The following NDST4 variants were observed in gnomAD, a reference collection of about 807,000 sequenced individuals.
The protein encoded by NDST4 is N-deacetylase and N-sulfotransferase 4.
Under a neutral mutation model 100.8 loss-of-function variants are expected in NDST4, and 63 were observed. That is an observed-to-expected ratio of 0.62 (90% CI 0.51 to 0.77). The LOEUF (loss-of-function observed/expected upper bound fraction) is 0.77. NDST4 is among the 30% of genes least tolerant of loss of function. The pLI is 0.00. For missense variants in NDST4, 943 were observed against 1,018.4 expected, an observed-to-expected ratio of 0.93 and a Z score of 1.01; for synonymous variants, 377 against 361.8, an observed-to-expected ratio of 1.04 and a Z score of -0.48.
At chr4:115,021,429 A>G (rs750274197) in intron 2 of NDST4, among the ~76,000 whole-genome samples, 2 of 151,726 alleles carry the variant, frequency 1.3e-5, no homozygotes, top group Middle Eastern at 3.5e-3. Context: ...CATTCCATAT[A>G]TACACACATT....
At chr4:115,081,706 G>T (rs1729307041) in intron 1 of NDST4, among the ~76,000 whole-genome samples, 1 of 152,110 alleles carries the variant, frequency 6.6e-6, no homozygotes, top group Admixed American at 6.6e-5. Context: ...GTAGTCTAAG[G>T]TGATACACCA....
intron 4 of NDST4, among the ~76,000 whole-genome samples, chr4:114,943,877 A>G (rs1424309870): frequency 6.6e-6 from 1 of 152,188 alleles, no homozygotes; most frequent in Non-Finnish European, 1.5e-5. Flanking sequence ...TGCTTGAAAT[A>G]GTGGCTATGA....
At chr4:114,893,450 G>A (rs13108625) in intron 6 of NDST4, among the ~76,000 whole-genome samples, 2,946 of 152,238 alleles carry the variant, frequency 0.019, 50 homozygotes, top group Non-Finnish European at 0.031. Context: ...ACTGGCATGC[G>A]ATGGTTTCTC....
At chr4:115,097,322 C>A (rs1729639424) in intron 1 of NDST4, among the ~76,000 whole-genome samples, 1 of 152,004 alleles carries the variant, frequency 6.6e-6, no homozygotes, top group Admixed American at 6.6e-5. Flanking sequence ...TAAATGAGAC[C>A]AAACCTGATT....
At position 115,010,401 on chromosome 4, in the gene NDST4, T is replaced by A. The variant is rs565284403; in HGVS notation, c.979-33127A>T. Among the ~76,000 whole-genome samples the A allele has an allele frequency of 2.8e-4, 36 of 127,980 alleles. 8 individuals carry two copies. The South Asian group carries it at 0.011, about 38-fold the overall frequency. The allele number at this position is 127,980 out of a possible 152,430, so 84.0% of individuals were successfully genotyped here. ...GTCCTCTGTAAGGACATGGATGAAATTTGAAATCATCATTCTCAGTAAGCT... is the reference window on the plus strand; with the variant it reads ...GTCCTCTGTAAGGACATGGATGAAAATTGAAATCATCATTCTCAGTAAGCT... On this transcript the variant is annotated intron_variant, in intron 2 of 13. Coordinates refer to ENST00000264363, the MANE Select transcript of NDST4 (RefSeq NM_022569.3).
intron 9 of NDST4, among the ~76,000 whole-genome samples, chr4:114,847,511 A>AT (rs1191698810): frequency 6.8e-6 from 1 of 146,806 alleles, no homozygotes; most frequent in Admixed American, 6.9e-5. Context: ...CTCAGGTGAG[A>AT]TTTGCTTTAT....
At chr4:115,027,361 G>T (rs912615758) in intron 2 of NDST4, among the ~76,000 whole-genome samples, 1 of 152,064 alleles carries the variant, frequency 6.6e-6, no homozygotes, top group Non-Finnish European at 1.5e-5. Context: ...CTAGATTTCT[G>T]GGTGAGATCA....
chr4:114,986,351 T>C (rs950163309), intron 2 of NDST4, among the ~76,000 whole-genome samples: 2 of 152,140 alleles, frequency 1.3e-5, no homozygotes, highest in Non-Finnish European at 2.9e-5. Flanking sequence ...AGTGGATGTG[T>C]CTCGTGCCCT....
intron 1 of NDST4, among the ~76,000 whole-genome samples, chr4:115,095,891 G>A (rs1390797043): frequency 6.6e-6 from 1 of 151,872 alleles, no homozygotes; most frequent in East Asian, 1.9e-4. Context: ...CATATATTGT[G>A]CTATCCAATC....
intron 7 of NDST4, among the ~76,000 whole-genome samples, chr4:114,865,151 GCCTCCTGGAGTCAAGTGATT>G (rs1323479689): frequency 1.3e-5 from 2 of 150,732 alleles, no homozygotes; most frequent in African/African-American, 2.4e-5. Context: ...TGCAACCTCT[GCCTCCTGGAGTCAAGTGATT>G]CTCCTGCCTC....
intron 6 of NDST4, among the ~76,000 whole-genome samples, chr4:114,906,515 C>T (rs996089074): frequency 6.6e-6 from 1 of 151,858 alleles, no homozygotes; most frequent in Non-Finnish European, 1.5e-5. Context: ...CCCATTCTGT[C>T]TCTCTAGTTC....
chr4:115,034,482 T>C (rs1469304268), intron 2 of NDST4, among the ~76,000 whole-genome samples: 2 of 152,072 alleles, frequency 1.3e-5, no homozygotes, highest in African/African-American at 4.8e-5. Context: ...AATAATAAAA[T>C]ATTATAATAA....
At chr4:115,041,817 C>CTA (rs1728358017) in intron 2 of NDST4, among the ~76,000 whole-genome samples, 1 of 152,006 alleles carries the variant, frequency 6.6e-6, no homozygotes, top group Non-Finnish European at 1.5e-5. Flanking sequence ...TCAGGAAAGA[C>CTA]TATATCCCTC....
intron 4 of NDST4, among the ~76,000 whole-genome samples, chr4:114,957,955 C>A (rs1406188954): frequency 6.6e-6 from 1 of 152,218 alleles, no homozygotes; most frequent in African/African-American, 2.4e-5. Flanking sequence ...GAGCCCCCTT[C>A]CTGGCTGCTT....
intron 11 of NDST4, among the ~76,000 whole-genome samples, chr4:114,835,678 T>C (rs958769004): frequency 6.6e-6 from 1 of 152,114 alleles, no homozygotes; most frequent in African/African-American, 2.4e-5. Flanking sequence ...TCCTTGTTAA[T>C]TTTCTGTCAT....
intron 6 of NDST4, among the ~76,000 whole-genome samples, chr4:114,887,865 T>C (rs28611498): frequency 0.042 from 6,331 of 152,280 alleles, 419 homozygotes; most frequent in African/African-American, 0.14. Context: ...TTTTCTTCAC[T>C]GTCTTTAATG....
At chr4:114,919,626 G>A (rs1448391237) in intron 6 of NDST4, among the ~76,000 whole-genome samples, 2 of 152,144 alleles carry the variant, frequency 1.3e-5, no homozygotes, top group Non-Finnish European at 2.9e-5. Context: ...CAGAGAGGGC[G>A]GCAGAGGGCC....
intron 4 of NDST4, among the ~76,000 whole-genome samples, chr4:114,958,119 C>A (rs950543326): frequency 8.5e-5 from 13 of 152,230 alleles, no homozygotes; most frequent in Non-Finnish European, 1.6e-4. Flanking sequence ...GCTCCCACCT[C>A]ACATTTCCCT....
rs1055390074 is a variant in NDST4 at position 114,845,920 on chromosome 4, G to A, written c.2018C>T (p.Ser673Leu). ...LFEKSANYFH[S>L]EEAPRRAASL... is the part of the protein sequence containing the mutation. ...TGCGGCTCGTCTTGGAGCTTCTTCC[G>A]AATGGAAGTAATTAGCACTCTTTTC... The change falls in exon 10 of 14, where the codon TCG (serine) becomes TTG (leucine). Residue 673 changes from serine (S) to leucine (L), a missense_variant. Physicochemically the swap from Ser to Leu is moderately radical, Grantham distance 145 (BLOSUM62 -2). Around this residue, in one of 2 missense-constraint regions of NDST4, gnomAD observed 526 missense variants for 634.1 expected, o/e 0.83. Transcript: ENST00000264363. 2 of 1,613,862 alleles carry A rather than the reference G, an allele frequency of 1.2e-6. No homozygotes were observed. The highest frequency in any genetic ancestry group is 1.7e-6 in the Non-Finnish European group (2 of 1,179,802).
Sources: gnomAD v4.1 joint callset for allele counts (sites outside exome capture counted in the v4.1 genomes callset) on GRCh38, gnomAD v4.1.1 for gene constraint, gnomAD v4.1.1 regional missense constraint, MANE v1.5 for transcripts, NCBI Gene and HGNC (gene_info 2026-07-23, HGNC 2026-07-21) for gene names.